ERGIC1: variants seen among roughly 807,000 people sequenced by gnomAD.
ERGIC1 encodes endoplasmic reticulum-golgi intermediate compartment 1, also known as endoplasmic reticulum-Golgi intermediate compartment protein 1.
ERGIC1 carries 19 observed loss-of-function variants against 38.3 expected under a neutral mutation model. That is an observed-to-expected ratio of 0.50 (90% CI 0.35 to 0.73). The LOEUF (loss-of-function observed/expected upper bound fraction) is 0.73, where lower values mean the gene tolerates loss of function less well. ERGIC1 is among the 30% of genes least tolerant of loss of function. The probability of loss-of-function intolerance (pLI) is 0.01; values close to 1 mark genes in which losing one functional copy is unlikely to be tolerated. For missense variants in ERGIC1, 294 were observed against 389.2 expected (o/e 0.76, Z 2.06); for synonymous variants, 124 against 157.6 (o/e 0.79, Z 1.60).
intron 6 of ERGIC1, among the ~76,000 whole-genome samples, chr5:172,925,153 A>G (rs1028298372): frequency 6.6e-6 from 1 of 151,996 alleles, no homozygotes; most frequent in Non-Finnish European, 1.5e-5. Flanking sequence ...CAGGAGAATC[A>G]CTTGAACCTG....
chr5:172,942,838 G>A (rs1159060272), intron 9 of ERGIC1, among the ~76,000 whole-genome samples: 2 of 152,216 alleles, frequency 1.3e-5, no homozygotes, highest in African/African-American at 2.4e-5. Flanking sequence ...TAGTTGCAGA[G>A]CTTCTGACTT....
chr5:172,880,640 A>G (rs1762255475), intron 1 of ERGIC1, among the ~76,000 whole-genome samples: 2 of 152,138 alleles, frequency 1.3e-5, no homozygotes, highest in South Asian at 4.1e-4. Flanking sequence ...TTTGTTTTCA[A>G]TACTCTGAGT....
intron 1 of ERGIC1, among the ~76,000 whole-genome samples, chr5:172,836,586 C>T (rs1761041899): frequency 2.0e-5 from 3 of 152,340 alleles, no homozygotes; most frequent in South Asian, 4.1e-4. Context: ...CTGGGTTCTA[C>T]TGAGGGTTCG....
chr5:172,919,622 C>A (rs202153682), intron 5 of ERGIC1, among the ~76,000 whole-genome samples: 13 of 152,244 alleles, frequency 8.5e-5, no homozygotes, highest in African/African-American at 3.1e-4. Context: ...AGTTTAGCTT[C>A]TCTGAGCCTC....
chr5:172,852,066 T>C (rs1331265659), intron 1 of ERGIC1, among the ~76,000 whole-genome samples: 1 of 151,322 alleles, frequency 6.6e-6, no homozygotes, highest in African/African-American at 2.4e-5. Context: ...TGTCAATGGG[T>C]GAACCAGCCA....
chr5:172,891,239 A>T (rs924410987), intron 2 of ERGIC1, among the ~76,000 whole-genome samples: 1 of 152,140 alleles, frequency 6.6e-6, no homozygotes, highest in African/African-American at 2.4e-5. Context: ...AGGAAAGGAT[A>T]TGGAGGGGAC....
chr5:172,893,941 A>ATATATATATATATATATG lies in ERGIC1; in HGVS notation c.83-3048_83-3047insATATGTATATATATATAT, dbSNP rs1259799557. ...TGTGTGTGTGTGTGTGTGTGTATAT[A>ATATATATATATATATATG]TATATATATATATTTAAATGTCCAT... On this transcript the variant is annotated intron_variant, in intron 2 of 9. Coordinates refer to ENST00000393784, the MANE Select transcript of ERGIC1 (RefSeq NM_001031711.3). 9.6e-4 allele frequency among the ~76,000 whole-genome samples: 37 copies of ATATATATATATATATATG among 38,658 alleles called. 2 individuals carry two copies. Among genetic ancestry groups the ATATATATATATATATATG allele is most frequent in the African/African-American group, 2.2e-3 (34 of 15,442 alleles). 25.4% of individuals were successfully genotyped at this position (38,658 alleles called of 152,430 possible).
intron 1 of ERGIC1, among the ~76,000 whole-genome samples, chr5:172,872,413 C>A (rs1447955468): frequency 6.6e-6 from 1 of 152,164 alleles, no homozygotes; most frequent in Non-Finnish European, 1.5e-5. Flanking sequence ...CAGTAAATAT[C>A]ATTCTCCTTC....
At chr5:172,905,848 G>A (rs1308835054) in intron 3 of ERGIC1, among the ~76,000 whole-genome samples, 1 of 152,200 alleles carries the variant, frequency 6.6e-6, no homozygotes, top group African/African-American at 2.4e-5. Context: ...GAATGCCTGG[G>A]TTTATATCCC....
intron 3 of ERGIC1, among the ~76,000 whole-genome samples, chr5:172,907,243 C>T (rs536269863): frequency 2.0e-5 from 3 of 152,320 alleles, no homozygotes; most frequent in South Asian, 2.1e-4. Flanking sequence ...AGCCTGACCC[C>T]GTGGCTGTGC....
chr5:172,917,562 G>C (rs1233728468), intron 5 of ERGIC1: 1 of 152,122 alleles, frequency 6.6e-6, no homozygotes. Context: ...GAGGAGCATT[G>C]GTTTAAGCAA....
At position 172,871,433 on chromosome 5, in the gene ERGIC1, C is replaced by T. The variant is rs73325136; in HGVS notation, c.21-17266C>T. 4.0e-3 allele frequency among the ~76,000 whole-genome samples: 611 copies of T among 152,376 alleles called. 2 individuals are homozygous for T. Among genetic ancestry groups the T allele is most frequent in the African/African-American group, 0.013 (548 of 41,584 alleles). On this transcript the variant is annotated intron_variant, in intron 1 of 9. Coordinates refer to ENST00000393784, the MANE Select transcript of ERGIC1 (RefSeq NM_001031711.3). ...ATCTCCATTTGCATGTCATGATCTCCTTGTCTGATGAGCCCCATCCGAAGG... is the reference window on the plus strand; with the variant it reads ...ATCTCCATTTGCATGTCATGATCTCTTTGTCTGATGAGCCCCATCCGAAGG...
intron 1 of ERGIC1, among the ~76,000 whole-genome samples, chr5:172,868,598 CTG>C (rs1761929603): frequency 6.6e-6 from 1 of 152,246 alleles, no homozygotes; most frequent in Middle Eastern, 3.4e-3. Flanking sequence ...GGCAGTGAAA[CTG>C]TGTGTGATGC....
At position 172,950,927 on chromosome 5, in the gene ERGIC1, G is replaced by C; in HGVS notation, c.*111G>C. ...CCCAAATCTGGCTGTGTCCCAAAGGGTGTGTGGGAAGTGGGGGGAAAGTAG... is the reference window on the plus strand; with the variant it reads ...CCCAAATCTGGCTGTGTCCCAAAGGCTGTGTGGGAAGTGGGGGGAAAGTAG... On this transcript the variant is annotated 3_prime_UTR_variant, in exon 10 of 10. Transcript: ENST00000393784. 1.1e-6 allele frequency: 1 copy of C among 897,196 alleles called. No homozygotes were observed. Among genetic ancestry groups the C allele is most frequent in the Non-Finnish European group, 1.6e-6 (1 of 614,114 alleles). 55.6% of individuals were successfully genotyped at this position (897,196 alleles called of 1,614,324 possible). A position where few individuals can be genotyped will look rare whatever the true frequency, so the allele number is the denominator to read the frequency against.
At chr5:172,864,398 A>G (rs13176994) in intron 1 of ERGIC1, among the ~76,000 whole-genome samples, 3,162 of 148,890 alleles carry the variant, frequency 0.021, 53 homozygotes, top group Non-Finnish European at 0.029. Context: ...CAGACTCAGT[A>G]GCTGGGATTA....
At chr5:172,899,492 TTTTTAG>T (rs761059099) in intron 3 of ERGIC1, among the ~76,000 whole-genome samples, 10 of 152,052 alleles carry the variant, frequency 6.6e-5, no homozygotes, top group Non-Finnish European at 1.2e-4. Context: ...AATTTTTGTA[TTTTTAG>T]TAGAGACAGC....
chr5:172,877,637 A>C (rs1465658608), intron 1 of ERGIC1, among the ~76,000 whole-genome samples: 3 of 151,330 alleles, frequency 2.0e-5, no homozygotes, highest in Non-Finnish European at 2.9e-5. Flanking sequence ...TTTTCCTCTT[A>C]CTGTATCCTG....
intron 1 of ERGIC1, among the ~76,000 whole-genome samples, chr5:172,878,012 G>C (rs1397052392): frequency 6.6e-6 from 1 of 152,224 alleles, no homozygotes; most frequent in Non-Finnish European, 1.5e-5. Context: ...TGGCCTTCCG[G>C]AAGTCAAGCA....
chr5:172,897,802 G>A (rs1267581227), intron 3 of ERGIC1: 4 of 413,784 alleles, frequency 9.7e-6, no homozygotes, highest in African/African-American at 6.2e-5. Flanking sequence ...ATCAGCGCCC[G>A]GCCCCCTGGA....
Sources: allele counts gnomAD v4.1 joint callset (sites outside exome capture counted in the v4.1 genomes callset), GRCh38; gene constraint gnomAD v4.1.1; transcripts MANE v1.5; gene names NCBI Gene and HGNC (gene_info 2026-07-23, HGNC 2026-07-21).